Variants in TNRC6C observed in about 807,000 individuals in gnomAD.
The protein encoded by TNRC6C is trinucleotide repeat-containing gene 6C protein.
A neutral mutation model predicts 153.7 loss-of-function variants in TNRC6C; 20 were observed. The observed-to-expected ratio is 0.13, with a 90% CI of 0.09 to 0.19. TNRC6C has a LOEUF of 0.19. Ranked by LOEUF, TNRC6C falls within the 10% of genes least tolerant of loss-of-function variation. TNRC6C has a pLI of 1.00. For missense variants in TNRC6C, 1,987 were observed against 2,172.0 expected (o/e 0.91, Z 1.69); for synonymous variants, 811 against 841.4 (o/e 0.96, Z 0.63).
chr17:77,996,141 A>G (rs1239265869), intron 1 of TNRC6C, among the ~76,000 whole-genome samples: 2 of 152,218 alleles, frequency 1.3e-5, no homozygotes, highest in Non-Finnish European at 2.9e-5. Context: ...AGTAATTTTT[A>G]TAGTGGTAAA....
chr17:77,972,602 AGAT>A (rs2070948235), intron 1 of TNRC6C, among the ~76,000 whole-genome samples: 1 of 152,212 alleles, frequency 6.6e-6, no homozygotes, highest in Admixed American at 6.5e-5. Flanking sequence ...TACCAACAAA[AGAT>A]GATTTAGATG....
chr17:78,043,416 CAT>C (rs1312027251), intron 2 of TNRC6C, among the ~76,000 whole-genome samples: 1 of 152,094 alleles, frequency 6.6e-6, no homozygotes, highest in Non-Finnish European at 1.5e-5. Flanking sequence ...TATAGTAAAA[CAT>C]ATTTTTTATA....
At chr17:77,958,472 A>G (rs1393505865), upstream of TNRC6C, among the ~76,000 whole-genome samples, 3 of 151,648 alleles carry the variant, frequency 2.0e-5, no homozygotes, top group Non-Finnish European at 4.4e-5. Context: ...GCGGGTATTA[A>G]GGGGAAAGGA....
chr17:78,071,246 A>G, intron 6 of TNRC6C, 81 bp downstream of exon 8: 4 of 1,381,554 alleles, frequency 2.9e-6, no homozygotes, highest in Non-Finnish European at 4.0e-6. Context: ...CATGTTTGTT[A>G]TGTGTGTCAG....
chr17:78,034,502 C>G (rs56696941), intron 2 of TNRC6C, among the ~76,000 whole-genome samples: 2 of 152,084 alleles, frequency 1.3e-5, no homozygotes, highest in African/African-American at 4.8e-5. Context: ...ATTGTCCCCC[C>G]GCACCCGTGA....
chr17:78,075,173 T>G lies in TNRC6C; in HGVS notation c.2955T>G (p.Arg985=), dbSNP rs568755435. Residue 985 remains arginine, a synonymous_variant, in exon 8 of 20, where the codon CGT becomes CGG. Coordinates refer to ENST00000301624, the Ensembl canonical transcript of TNRC6C. This position sits in a 1 kb window ranked among gnomAD's most constrained non-coding sequence, Gnocchi z 4.2. ...AAAAGAAGGTGGACGTGGACAAGCG[T>G]GGGCTGGGAGTGACCGACCATAATG... 6.2e-7 allele frequency: 1 copy of G among 1,612,960 alleles called. No homozygotes were observed. The highest frequency in any genetic ancestry group is 1.3e-5 in the African/African-American group (1 of 75,050).
chr17:78,017,059 C>CT (rs1196799782), intron 1 of TNRC6C, among the ~76,000 whole-genome samples: 2 of 152,122 alleles, frequency 1.3e-5, no homozygotes, highest in African/African-American at 2.4e-5. Flanking sequence ...ACCCCCAGTT[C>CT]TGAATGGTGA....
chr17:78,073,174 G>A, intron 7 of TNRC6C, 80 bp downstream of exon 9: 2 of 1,264,848 alleles, frequency 1.6e-6, no homozygotes, highest in Non-Finnish European at 2.2e-6. Flanking sequence ...TGTAGTCATG[G>A]TTTAATGGTT....
chr17:78,053,995 G>A (rs2072592802), intron 3 of TNRC6C, among the ~76,000 whole-genome samples: 1 of 152,186 alleles, frequency 6.6e-6, no homozygotes, highest in Non-Finnish European at 1.5e-5. Context: ...ATAAAGTATA[G>A]TTACATAAAC....
chr17:78,050,661 C>T, exon 3 of TNRC6C: 2 of 1,560,662 alleles, frequency 1.3e-6, no homozygotes, highest in Non-Finnish European at 1.7e-6. Flanking sequence ...CGCCAAGTGG[C>T]CCGGGGGTTT....
At chr17:78,042,695 A>G (rs1412533000) in intron 2 of TNRC6C, among the ~76,000 whole-genome samples, 1 of 151,460 alleles carries the variant, frequency 6.6e-6, no homozygotes, top group Non-Finnish European at 1.5e-5. Context: ...GGTGATGGTG[A>G]TGATGGAGTT....
rs567033238 is a variant in TNRC6C, at chr17:78,083,814, A to AT, written c.3477+657dup. Reference sequence around the variant, plus strand: ...AGTTTTGTAGCTTCACATAATCTTGATTTTTTTTTAATTTTCAATCAGTCT... The same window carrying AT: ...AGTTTTGTAGCTTCACATAATCTTGATTTTTTTTTTAATTTTCAATCAGTCT... On this transcript the variant is annotated intron_variant, in intron 11 of 19. Coordinates refer to ENST00000301624, the Ensembl canonical transcript of TNRC6C. Among the ~76,000 whole-genome samples, 375 of 151,846 alleles carry AT rather than the reference A, an allele frequency of 2.5e-3. 2 individuals are homozygous for AT. The highest frequency in any genetic ancestry group is 6.3e-3 in the Admixed American group (96 of 15,240).
At chr17:77,978,654 G>A (rs2071034047) in intron 1 of TNRC6C, among the ~76,000 whole-genome samples, 1 of 152,114 alleles carries the variant, frequency 6.6e-6, no homozygotes, top group Non-Finnish European at 1.5e-5. Context: ...AGCTGAGGTT[G>A]AGCAGCTAAG....
chr17:78,080,044 T>C (rs372877854), intron 10 of TNRC6C, among the ~76,000 whole-genome samples: 1 of 152,264 alleles, frequency 6.6e-6, no homozygotes. Flanking sequence ...GTATATATTA[T>C]AGATTTTCAG....
intron 1 of TNRC6C, among the ~76,000 whole-genome samples, chr17:78,030,687 A>C (rs1298613356): frequency 6.6e-6 from 1 of 152,266 alleles, no homozygotes; most frequent in Non-Finnish European, 1.5e-5. Context: ...ACAAAAATAC[A>C]TATAAATTCA....
upstream of TNRC6C, among the ~76,000 whole-genome samples, chr17:78,001,866 A>G (rs987815250): frequency 2.0e-5 from 3 of 151,996 alleles, no homozygotes; most frequent in African/African-American, 7.3e-5. Context: ...GAAAGCAAAT[A>G]TTGTCCTGGG....
Position 78,097,868 on chromosome 17 carries a change from G to A in TNRC6C, c.4307-475G>A, listed in dbSNP as rs750602378. 116 of 1,527,148 alleles carry A rather than the reference G, an allele frequency of 7.6e-5. No individual in the cohort carries two copies. The highest frequency in any genetic ancestry group is 9.7e-5 in the African/African-American group (7 of 72,194). 94.6% of individuals were successfully genotyped at this position (1,527,148 alleles called of 1,614,324 possible). On this transcript the variant is annotated intron_variant, in intron 16 of 19. Coordinates refer to ENST00000301624, the Ensembl canonical transcript of TNRC6C. ...TCCGCACCTAGTGTTGCAGGTACGC[G>A]CCTGGCCTCTAGACTTGCAGGTAGC...
At chr17:77,967,267 T>C (rs1384446972) in intron 1 of TNRC6C, among the ~76,000 whole-genome samples, 1 of 152,236 alleles carries the variant, frequency 6.6e-6, no homozygotes, top group Non-Finnish European at 1.5e-5. Flanking sequence ...TGATAATTTC[T>C]TAAGATTTGA....
chr17:78,056,157 A>G (rs1406270970), intron 3 of TNRC6C, among the ~76,000 whole-genome samples: 1 of 144,872 alleles, frequency 6.9e-6, no homozygotes, highest in African/African-American at 2.6e-5. Flanking sequence ...GCCAGAAACT[A>G]CTTTTTTTTT....
Sources: gnomAD v4.1 joint callset for allele counts (sites outside exome capture counted in the v4.1 genomes callset) on GRCh38, gnomAD v4.1.1 for gene constraint, Gnocchi (gnomAD v3.1) non-coding constraint, MANE v1.5 for transcripts, NCBI Gene and HGNC (gene_info 2026-07-23, HGNC 2026-07-21) for gene names.